The following MYT1L variants were observed in gnomAD, a reference collection of about 807,000 sequenced individuals.
MYT1L encodes myelin transcription factor 1 like, also known as myelin transcription factor 1-like protein.
Under a neutral mutation model 126.7 loss-of-function variants are expected in MYT1L, and 12 were observed. That is an observed-to-expected ratio of 0.09 (90% CI 0.06 to 0.15). MYT1L has a LOEUF of 0.15. MYT1L is among the 10% of genes least tolerant of loss of function. The probability of loss-of-function intolerance (pLI) is 1.00; values close to 1 mark genes in which losing one functional copy is unlikely to be tolerated. For synonymous variants in MYT1L, 541 were observed against 604.2 expected, an observed-to-expected ratio of 0.90 and a Z score of 1.53; for missense variants, 979 against 1,585.2, an observed-to-expected ratio of 0.62 and a Z score of 6.49.
intron 21 of MYT1L, among the ~76,000 whole-genome samples, chr2:1,818,654 C>T (rs897061227): frequency 6.6e-6 from 1 of 152,108 alleles, no homozygotes; most frequent in African/African-American, 2.4e-5. Context: ...AGCAGCTCTC[C>T]TGTGGTTCGC....
At chr2:1,894,260 C>T (rs952463683) in intron 14 of MYT1L, among the ~76,000 whole-genome samples, 2 of 152,152 alleles carry the variant, frequency 1.3e-5, no homozygotes, top group African/African-American at 4.8e-5. Flanking sequence ...CCCAGCAGTG[C>T]AGGGCGGGGT....
At chr2:1,948,371 TC>T (rs1463002584) in intron 8 of MYT1L, among the ~76,000 whole-genome samples, 2 of 152,204 alleles carry the variant, frequency 1.3e-5, no homozygotes, top group Non-Finnish European at 2.9e-5. Flanking sequence ...CTCTCTCTGA[TC>T]CATTCTCCTA....
intron 3 of MYT1L, among the ~76,000 whole-genome samples, chr2:2,111,396 C>T (rs748190929): frequency 3.3e-5 from 5 of 152,246 alleles, no homozygotes; most frequent in Middle Eastern, 3.4e-3. Context: ...CAGAGATGGA[C>T]GAGAGGGAAG....
intron 3 of MYT1L, among the ~76,000 whole-genome samples, chr2:2,098,040 G>T (rs1360483384): frequency 2.0e-5 from 3 of 152,156 alleles, no homozygotes; most frequent in Non-Finnish European, 4.4e-5. Context: ...CTTCCACCAT[G>T]ATTGGAAGCT....
intron 14 of MYT1L, among the ~76,000 whole-genome samples, chr2:1,898,149 G>A (rs903083116): frequency 1.7e-4 from 26 of 152,134 alleles, no homozygotes; most frequent in Non-Finnish European, 3.7e-4. Flanking sequence ...ATTGCCTTAT[G>A]TATTCACCTT....
intron 21 of MYT1L, among the ~76,000 whole-genome samples, chr2:1,815,596 C>T (rs186016539): frequency 2.0e-5 from 3 of 152,346 alleles, no homozygotes; most frequent in East Asian, 3.9e-4. Context: ...GCCGAGAGGC[C>T]GAGCTGCTTT....
At chr2:2,034,292 A>G (rs1226187555) in intron 4 of MYT1L, among the ~76,000 whole-genome samples, 2 of 141,974 alleles carry the variant, frequency 1.4e-5, no homozygotes, top group East Asian at 4.2e-4. Context: ...TTCTCCCCAT[A>G]ATCTCCACCC....
chr2:1,937,870 C>T (rs974122998), intron 9 of MYT1L, among the ~76,000 whole-genome samples: 2 of 152,218 alleles, frequency 1.3e-5, no homozygotes, highest in Admixed American at 6.5e-5. Context: ...AGGACACCAC[C>T]GCACACCTTT....
chr2:2,025,829 T>C (rs1167738620), intron 4 of MYT1L, among the ~76,000 whole-genome samples: 1 of 152,240 alleles, frequency 6.6e-6, no homozygotes, highest in Non-Finnish European at 1.5e-5. Flanking sequence ...ATGAATTTTT[T>C]AAAAAGGTAG....
At chr2:2,328,586 C>A (rs557189884) in intron 1 of MYT1L, among the ~76,000 whole-genome samples, 1 of 152,276 alleles carries the variant, frequency 6.6e-6, no homozygotes, top group Admixed American at 6.5e-5. Context: ...CTGTTGGATG[C>A]AAGTTTAACT....
chr2:1,984,570 C>T (rs3885766), intron 5 of MYT1L, among the ~76,000 whole-genome samples: 2,304 of 134,630 alleles, frequency 0.017, 44 homozygotes, highest in South Asian at 0.095. Flanking sequence ...AGTGCAGTGG[C>T]GCTATCTGGG....
rs181099907 is a variant in MYT1L, at chr2:2,011,723, C to T, written c.-157-14376G>A. Reference sequence around the variant, plus strand: ...GTTAACAACTGGCAAAGGATCTGAACAGATATTTCTCCAAAGAAAATCTGC... The same window carrying T: ...GTTAACAACTGGCAAAGGATCTGAATAGATATTTCTCCAAAGAAAATCTGC... On this transcript the variant is annotated intron_variant, in intron 4 of 24. Coordinates refer to ENST00000647738, the MANE Select transcript of MYT1L (RefSeq NM_001303052.2). Among the ~76,000 whole-genome samples, 31 of 152,264 alleles carry T rather than the reference C, an allele frequency of 2.0e-4. 1 individual carries two copies. Among genetic ancestry groups the T allele is most frequent in the Admixed American group, 2.0e-3 (31 of 15,304 alleles).
In MYT1L at chr2:2,142,556, G is replaced by A. The variant is rs531450239; in HGVS notation, c.-304+30316C>T. Among the ~76,000 whole-genome samples the A allele has an allele frequency of 1.1e-4, 16 of 152,254 alleles. No homozygotes were observed. The South Asian group carries it at 1.7e-3, about 16-fold the overall frequency. On this transcript the variant is annotated intron_variant, in intron 3 of 24. Transcript: ENST00000647738. ...GTACATGTTCCCATCTGGAGAGGGAGCTCCACATCCATGCACAGTAACCGT... is the reference window on the plus strand; with the variant it reads ...GTACATGTTCCCATCTGGAGAGGGAACTCCACATCCATGCACAGTAACCGT...
chr2:2,315,726 T>C (rs148831264), intron 1 of MYT1L, among the ~76,000 whole-genome samples: 83 of 152,314 alleles, frequency 5.4e-4, no homozygotes, highest in African/African-American at 1.9e-3. Flanking sequence ...CTTCCAAAAG[T>C]ATGAGTTTTC....
In MYT1L at chr2:1,814,609, T is replaced by C. The variant is rs533934992; in HGVS notation, c.3081-5442A>G. Among the ~76,000 whole-genome samples, 3 of 152,340 alleles carry C rather than the reference T, an allele frequency of 2.0e-5. No homozygotes were observed. The East Asian group carries it at 5.8e-4, about 29-fold the overall frequency. On this transcript the variant is annotated intron_variant, in intron 21 of 24. Coordinates refer to ENST00000647738, the MANE Select transcript of MYT1L (RefSeq NM_001303052.2). ...TTTAGGATTCGGCTTTTGCAGAAAC[T>C]GCCCCCAGCCTCCACCTCACTGGGG...
At chr2:2,196,885 C>G (rs969050514) in intron 2 of MYT1L, among the ~76,000 whole-genome samples, 1 of 151,980 alleles carries the variant, frequency 6.6e-6, no homozygotes, top group Non-Finnish European at 1.5e-5. Context: ...AAGTAGTACA[C>G]AGGACCATCA....
intron 11 of MYT1L, among the ~76,000 whole-genome samples, chr2:1,915,623 G>A (rs1477222449): frequency 1.3e-5 from 2 of 152,232 alleles, no homozygotes; most frequent in Non-Finnish European, 2.9e-5. Flanking sequence ...TGAGGAAGAT[G>A]AAGTACAGAG....
chr2:2,110,177 G>C (rs1329436444), intron 3 of MYT1L, among the ~76,000 whole-genome samples: 1 of 151,704 alleles, frequency 6.6e-6, no homozygotes, highest in African/African-American at 2.4e-5. Flanking sequence ...TCATCGTACA[G>C]AGGCACTACT....
intron 5 of MYT1L, among the ~76,000 whole-genome samples, chr2:1,984,314 C>G (rs2060838835): frequency 6.6e-6 from 1 of 152,030 alleles, no homozygotes; most frequent in Non-Finnish European, 1.5e-5. Context: ...CCTCGAACTC[C>G]ACTTCCAGAG....
Sources: allele counts gnomAD v4.1 joint callset (sites outside exome capture counted in the v4.1 genomes callset), GRCh38; gene constraint gnomAD v4.1.1; transcripts MANE v1.5; gene names NCBI Gene and HGNC (gene_info 2026-07-23, HGNC 2026-07-21).